HNRNPLL: variants seen among roughly 807,000 people sequenced by gnomAD.
HNRNPLL encodes the protein heterogeneous nuclear ribonucleoprotein L like, also known as heterogeneous nuclear ribonucleoprotein L-like.
In HNRNPLL, 25 loss-of-function variants were observed where a neutral mutation model predicts 67.1. The ratio of observed to expected loss-of-function variants is 0.37; its 90% CI spans 0.27 to 0.52. The LOEUF is 0.52. Among genes scored for constraint, HNRNPLL ranks in the 20% least tolerant of loss-of-function variants. HNRNPLL has a pLI of 0.90. For missense variants in HNRNPLL, 542 were observed against 673.9 expected (o/e 0.80, Z 2.17); for synonymous variants, 267 against 241.7 (o/e 1.10, Z -0.97).
At chr2:38,578,367 T>C (rs1291513000) in intron 6 of HNRNPLL, among the ~76,000 whole-genome samples, 1 of 152,086 alleles carries the variant, frequency 6.6e-6, no homozygotes, top group Non-Finnish European at 1.5e-5. Context: ...CCTATGTTAG[T>C]AAATTTTAAA....
At chr2:38,570,428 T>C (rs1368012385) in intron 8 of HNRNPLL, among the ~76,000 whole-genome samples, 7 of 152,286 alleles carry the variant, frequency 4.6e-5, no homozygotes, top group South Asian at 2.1e-4. Flanking sequence ...GTACAAACTA[T>C]GTAGAATTCT....
At chr2:38,602,197 T>G in intron 1 of HNRNPLL, 2 of 474,818 alleles carry the variant, frequency 4.2e-6, no homozygotes, top group Non-Finnish European at 3.7e-6. Flanking sequence ...CCTCCCCAAG[T>G]TCAGGGCCCG....
At chr2:38,598,265 G>C (rs17421743) in intron 1 of HNRNPLL, among the ~76,000 whole-genome samples, 18,547 of 152,162 alleles carry the variant, frequency 0.12, 1,219 homozygotes, top group African/African-American at 0.14. Flanking sequence ...CTGGGAAAGA[G>C]AGGATGCTCT....
intron 1 of HNRNPLL, among the ~76,000 whole-genome samples, chr2:38,594,477 A>T (rs112915606): frequency 0.01 from 1,582 of 152,318 alleles, 31 homozygotes; most frequent in African/African-American, 0.036. Context: ...AGGGGAAAAA[A>T]GTATGTATAT....
chr2:38,564,613 CAA>C (rs70954732), intron 12 of HNRNPLL, among the ~76,000 whole-genome samples: 2 of 36,988 alleles, frequency 5.4e-5, no homozygotes, highest in African/African-American at 1.0e-4. Flanking sequence ...GACTCCGTCT[CAA>C]AAAAAAAAAA....
chr2:38,586,211 C>A (rs1402594561), intron 2 of HNRNPLL, among the ~76,000 whole-genome samples: 1 of 152,184 alleles, frequency 6.6e-6, no homozygotes, highest in East Asian at 1.9e-4. Context: ...TCAGTAGAGA[C>A]AGGGTTTCCC....
intron 9 of HNRNPLL, among the ~76,000 whole-genome samples, chr2:38,569,542 T>C (rs78029217): frequency 0.016 from 2,367 of 152,234 alleles, 67 homozygotes; most frequent in African/African-American, 0.054. Flanking sequence ...ATTAAATATA[T>C]TCTCATATTA....
chr2:38,592,545 A>G (rs895504772), intron 1 of HNRNPLL, among the ~76,000 whole-genome samples: 4 of 152,250 alleles, frequency 2.6e-5, no homozygotes, highest in African/African-American at 9.6e-5. Flanking sequence ...GAACTACTCA[A>G]AAATGCAAGC....
intron 1 of HNRNPLL, among the ~76,000 whole-genome samples, chr2:38,594,711 G>A (rs1186371927): frequency 6.6e-6 from 1 of 152,172 alleles, no homozygotes; most frequent in African/African-American, 2.4e-5. Context: ...CACTTTGGGA[G>A]GCTGACACAG....
chr2:38,595,141 G>A (rs930821552), intron 1 of HNRNPLL, among the ~76,000 whole-genome samples: 8 of 151,444 alleles, frequency 5.3e-5, no homozygotes, highest in South Asian at 2.1e-4. Flanking sequence ...TTAGCTGGGC[G>A]TGGTGGGGTA....
intron 12 of HNRNPLL, among the ~76,000 whole-genome samples, chr2:38,566,968 A>C (rs1397460249): frequency 1.3e-5 from 2 of 152,222 alleles, no homozygotes; most frequent in Non-Finnish European, 2.9e-5. Context: ...CAAAACTGTG[A>C]TACATCTTGA....
intron 1 of HNRNPLL, among the ~76,000 whole-genome samples, chr2:38,595,463 C>G (rs528454433): frequency 6.6e-6 from 1 of 151,736 alleles, no homozygotes; most frequent in South Asian, 2.1e-4. Flanking sequence ...ATTTTTAAAT[C>G]TCTCAAAAAA....
chr2:38,570,343 T>C (rs1416568213), intron 8 of HNRNPLL, among the ~76,000 whole-genome samples: 1 of 152,226 alleles, frequency 6.6e-6, no homozygotes, highest in Non-Finnish European at 1.5e-5. Context: ...TAATAGTGAA[T>C]GTTAACAGAC....
rs1665704361 is a variant in HNRNPLL, at chr2:38,562,356, T to C, written c.*1826A>G. ...GAGAGCCTTACAGATAAAAATCATT[T>C]CTACACATCTAAACTAATTAAAATC... is the stretch of plus-strand genomic sequence containing the variant. On this transcript the variant is annotated 3_prime_UTR_variant, in exon 13 of 13. Transcript: ENST00000449105. 2 of 152,126 alleles carry C rather than the reference T, an allele frequency of 1.3e-5. No individual in the cohort carries two copies. The highest frequency in any genetic ancestry group is 2.9e-5 in the Non-Finnish European group (2 of 67,996). The allele number at this position is 152,126 out of a possible 1,614,324, so 9.4% of individuals were successfully genotyped here. A position where few individuals can be genotyped will look rare whatever the true frequency, so the allele number is the denominator to read the frequency against.
intron 1 of HNRNPLL, among the ~76,000 whole-genome samples, chr2:38,599,116 G>C (rs932206429): frequency 1.4e-4 from 21 of 152,182 alleles, no homozygotes; most frequent in Admixed American, 1.4e-3. Flanking sequence ...AGTGTATCCT[G>C]AATTCAAACT....
At chr2:38,588,063 C>T (rs779080519) in intron 2 of HNRNPLL, among the ~76,000 whole-genome samples, 16 of 152,016 alleles carry the variant, frequency 1.1e-4, no homozygotes, top group African/African-American at 3.9e-4. Flanking sequence ...TTTCTGAGGC[C>T]ACCCCAGAAG....
chr2:38,594,523 A>G (rs1667096534), intron 1 of HNRNPLL, among the ~76,000 whole-genome samples: 1 of 152,246 alleles, frequency 6.6e-6, no homozygotes, highest in Non-Finnish European at 1.5e-5. Context: ...AAAAAACCCT[A>G]CACAGCAAAA....
rs539270055 is a variant in HNRNPLL, at chr2:38,563,093, C to A, written c.*1089G>T. ...AAAAAGCTGTGAACTTGGTAACAATCGTGCTATAGTCTCTTAATACCATGT... is the reference window on the plus strand; with the variant it reads ...AAAAAGCTGTGAACTTGGTAACAATAGTGCTATAGTCTCTTAATACCATGT... On this transcript the variant is annotated 3_prime_UTR_variant, in exon 13 of 13. Transcript: ENST00000449105. 1 of 151,728 alleles carries A rather than the reference C, an allele frequency of 6.6e-6. No homozygotes were observed. Among genetic ancestry groups the A allele is most frequent in the Non-Finnish European group, 1.5e-5 (1 of 67,878 alleles). The allele number at this position is 151,728 out of a possible 1,614,324, so 9.4% of individuals were successfully genotyped here.
In HNRNPLL at chr2:38,585,620, CATTT is replaced by C. The variant is rs745731469; in HGVS notation, c.546+20_546+23del. On this transcript the variant is annotated intron_variant, in intron 3 of 12. Transcript: ENST00000449105. ...CAAACTGCAAAATCACTTTTAATTT[CATTT>C]GTCATATTAAAACACATACCACTGT... The C allele has an allele frequency of 2.8e-6, 4 of 1,434,262 alleles. No individual in the cohort carries two copies. In the South Asian group the frequency reaches 4.6e-5, roughly 16 times the overall value. 88.8% of individuals were successfully genotyped at this position (1,434,262 alleles called of 1,614,324 possible).
Sources: gnomAD v4.1 joint callset for allele counts (sites outside exome capture counted in the v4.1 genomes callset) on GRCh38, gnomAD v4.1.1 for gene constraint, MANE v1.5 for transcripts, NCBI Gene and HGNC (gene_info 2026-07-23, HGNC 2026-07-21) for gene names.